EEFSEC: variants seen among roughly 807,000 people sequenced by gnomAD.
EEFSEC encodes the protein eukaryotic elongation factor, selenocysteine-tRNA specific, also known as selenocysteine-specific elongation factor.
A neutral mutation model predicts 42.1 loss-of-function variants in EEFSEC; 43 were observed. The ratio of observed to expected loss-of-function variants is 1.02; its 90% CI spans 0.80 to 1.32. The LOEUF (loss-of-function observed/expected upper bound fraction) is 1.32, where lower values mean the gene tolerates loss of function less well. EEFSEC is among the 40% of genes most tolerant of loss of function. The pLI, the probability that EEFSEC is intolerant of heterozygous loss-of-function variation, is 0.00. For synonymous variants in EEFSEC, 354 were observed against 339.1 expected, an observed-to-expected ratio of 1.04 and a Z score of -0.48; for missense variants, 745 against 803.6, an observed-to-expected ratio of 0.93 and a Z score of 0.88.
chr3:128,359,077 A>T (rs1280476284), intron 6 of EEFSEC, among the ~76,000 whole-genome samples: 1 of 152,330 alleles, frequency 6.6e-6, no homozygotes, highest in Non-Finnish European at 1.5e-5. Context: ...GGGAGTAGGC[A>T]CCACGTAGAA....
At chr3:128,245,671 A>G (rs2066119350) in intron 1 of EEFSEC, among the ~76,000 whole-genome samples, 1 of 152,126 alleles carries the variant, frequency 6.6e-6, no homozygotes, top group South Asian at 2.1e-4. Flanking sequence ...TGGTGTCAGG[A>G]GCCCTGATTT....
chr3:128,289,935 G>A (rs1010454344), intron 4 of EEFSEC, among the ~76,000 whole-genome samples: 1 of 152,168 alleles, frequency 6.6e-6, no homozygotes, highest in Non-Finnish European at 1.5e-5. Context: ...ATATTAGGTT[G>A]TTTGTCTTAT....
intron 5 of EEFSEC, among the ~76,000 whole-genome samples, chr3:128,356,164 T>G (rs913176561): frequency 6.6e-6 from 1 of 152,230 alleles, no homozygotes; most frequent in Admixed American, 6.5e-5. Context: ...AAAACAAGAA[T>G]ATTAATATCA....
At chr3:128,353,452 T>G (rs2067413420) in intron 5 of EEFSEC, among the ~76,000 whole-genome samples, 1 of 152,172 alleles carries the variant, frequency 6.6e-6, no homozygotes, top group Non-Finnish European at 1.5e-5. Context: ...CTGCCCTCTT[T>G]CCCTCCTCTC....
chr3:128,295,451 CTTTTTTTTTT>C (rs201911929), intron 4 of EEFSEC, among the ~76,000 whole-genome samples: 3 of 63,986 alleles, frequency 4.7e-5, no homozygotes, highest in East Asian at 1.2e-3. Context: ...CTTCCCCCTA[CTTTTTTTTTT>C]TTTTTTTTTT....
At chr3:128,154,596 C>T (rs1576501530) in intron 1 of EEFSEC, among the ~76,000 whole-genome samples, 1 of 151,820 alleles carries the variant, frequency 6.6e-6, no homozygotes, top group East Asian at 1.9e-4. Context: ...ATTACAGGCG[C>T]GCGCCACCAC....
At chr3:128,366,227 A>G (rs540384466) in intron 6 of EEFSEC, among the ~76,000 whole-genome samples, 28 of 152,386 alleles carry the variant, frequency 1.8e-4, no homozygotes, top group African/African-American at 6.7e-4. Context: ...CTATGGTTCT[A>G]AGAAATGGCC....
intron 6 of EEFSEC, among the ~76,000 whole-genome samples, chr3:128,372,851 C>A (rs921061946): frequency 6.6e-6 from 1 of 152,198 alleles, no homozygotes; most frequent in Non-Finnish European, 1.5e-5. Context: ...CCTGACTATA[C>A]GTAAACAAGG....
At chr3:128,299,499 G>A (rs1223744499) in intron 4 of EEFSEC, among the ~76,000 whole-genome samples, 1 of 152,140 alleles carries the variant, frequency 6.6e-6, no homozygotes, top group Admixed American at 6.5e-5. Context: ...TTGTCAGATG[G>A]ATAGCCTGCA....
intron 6 of EEFSEC, chr3:128,367,720 C>T (rs2067606761): frequency 2.0e-6 from 2 of 985,436 alleles, no homozygotes; most frequent in Non-Finnish European, 2.4e-6. Context: ...ATGAGTGAAG[C>T]ACCACAGTTG....
At chr3:128,231,663 A>G (rs1158786376) in intron 1 of EEFSEC, among the ~76,000 whole-genome samples, 2 of 151,758 alleles carry the variant, frequency 1.3e-5, no homozygotes, top group Non-Finnish European at 2.9e-5. Flanking sequence ...CTGATTCCCA[A>G]CCCTGCCCCA....
intron 6 of EEFSEC, among the ~76,000 whole-genome samples, chr3:128,382,097 A>G (rs2067783121): frequency 6.6e-6 from 1 of 152,122 alleles, no homozygotes; most frequent in Non-Finnish European, 1.5e-5. Flanking sequence ...TGCTCTCTAG[A>G]ATGGGGGCTA....
In EEFSEC at chr3:128,396,352, C is replaced by A. The variant is rs553586525; in HGVS notation, c.1601-11717C>A. Among the ~76,000 whole-genome samples, 3 of 152,348 alleles carry A rather than the reference C, an allele frequency of 2.0e-5. No individual in the cohort carries two copies. The East Asian group carries it at 5.8e-4, about 29-fold the overall frequency. On this transcript the variant is annotated intron_variant, in intron 6 of 6. Transcript: ENST00000254730. Reference sequence around the variant, plus strand: ...CATGTGATCTCTTCTCTGCCACTGACTGTGTGACCTTGGGCACATCAATTT... The same window carrying A: ...CATGTGATCTCTTCTCTGCCACTGAATGTGTGACCTTGGGCACATCAATTT...
intron 6 of EEFSEC, among the ~76,000 whole-genome samples, chr3:128,370,292 TG>T (rs1017773128): frequency 6.6e-6 from 1 of 151,936 alleles, no homozygotes; most frequent in African/African-American, 2.4e-5. Flanking sequence ...CTAGTGAAGG[TG>T]GTTGTTAGGA....
rs780031434 is a variant in EEFSEC at position 128,318,971 on chromosome 3, G to T, written c.787-22262G>T. 5.5e-4 allele frequency among the ~76,000 whole-genome samples: 84 copies of T among 152,318 alleles called. No individual in the cohort carries two copies. The Middle Eastern group carries it at 0.014, about 25-fold the overall frequency. On this transcript the variant is annotated intron_variant, in intron 4 of 6. Coordinates refer to ENST00000254730, the MANE Select transcript of EEFSEC (RefSeq NM_021937.5). ...GCCCAGAGAGGAGAAATGACTTGCC[G>T]GTGTTCAAGTCCTGGACAGGGTCTG...
intron 4 of EEFSEC, among the ~76,000 whole-genome samples, chr3:128,268,561 T>C (rs2066379788): frequency 6.6e-6 from 1 of 152,076 alleles, no homozygotes; most frequent in African/African-American, 2.4e-5. Context: ...GCAGATGTAA[T>C]TAAGGTAAGG....
intron 6 of EEFSEC, among the ~76,000 whole-genome samples, chr3:128,375,817 G>A (rs2067703698): frequency 6.6e-6 from 1 of 152,228 alleles, no homozygotes; most frequent in Non-Finnish European, 1.5e-5. Context: ...TCTTTGCTGT[G>A]TTAGTCTGTG....
intron 4 of EEFSEC, among the ~76,000 whole-genome samples, chr3:128,298,836 T>G (rs2066736824): frequency 6.6e-6 from 1 of 152,252 alleles, no homozygotes; most frequent in Admixed American, 6.5e-5. Context: ...TTCTGGTGCT[T>G]GGCTAATTTC....
intron 1 of EEFSEC, among the ~76,000 whole-genome samples, chr3:128,181,930 C>T (rs2065410202): frequency 6.6e-6 from 1 of 152,242 alleles, no homozygotes; most frequent in African/African-American, 2.4e-5. Flanking sequence ...TCTCCCACCT[C>T]AGGCTCCTGA....
Sources: allele counts gnomAD v4.1 joint callset (sites outside exome capture counted in the v4.1 genomes callset), GRCh38; gene constraint gnomAD v4.1.1; transcripts MANE v1.5; gene names NCBI Gene and HGNC (gene_info 2026-07-23, HGNC 2026-07-21).